Variants in BAIAP2L1 observed in about 807,000 individuals in gnomAD.
BAIAP2L1 encodes the protein BAR/IMD domain-containing adapter protein 2-like 1.
A neutral mutation model predicts 66.3 loss-of-function variants in BAIAP2L1; 35 were observed. The observed-to-expected ratio is 0.53, with a 90% confidence interval of 0.40 to 0.70. BAIAP2L1 has a LOEUF of 0.70. Among genes scored for constraint, BAIAP2L1 ranks in the 30% least tolerant of loss-of-function variants. The probability of loss-of-function intolerance (pLI) is 0.00; values close to 1 mark genes in which losing one functional copy is unlikely to be tolerated. For synonymous variants in BAIAP2L1, 269 were observed against 248.7 expected, an observed-to-expected ratio of 1.08 and a Z score of -0.77; for missense variants, 622 against 656.9, an observed-to-expected ratio of 0.95 and a Z score of 0.58.
chr7:98,294,184 G>C, intron 12 of BAIAP2L1, 73 bp from the exon 13 acceptor site: 2 of 1,516,968 alleles, frequency 1.3e-6, no homozygotes, highest in Non-Finnish European at 1.8e-6. Context: ...GTAGAGATGG[G>C]GATTTGCTAT....
chr7:98,325,221 C>G (rs765870647), intron 3 of BAIAP2L1, among the ~76,000 whole-genome samples: 4 of 151,244 alleles, frequency 2.6e-5, no homozygotes, highest in Admixed American at 2.0e-4. Context: ...TGTCTCTACT[C>G]AAAATACAAA....
rs549733432 is a variant in BAIAP2L1, at chr7:98,293,248, A to G, written c.*273T>C. The stretch of plus-strand genomic sequence containing the variant: ...AATTCATTTAAAAAATACAGTAAAG[A>G]TTGAAACCAAGTTTACTGTTTCTTG... On this transcript the variant is annotated 3_prime_UTR_variant, in exon 14 of 14. Transcript: ENST00000005260. The G allele has an allele frequency of 6.9e-5, 26 of 375,396 alleles. No homozygotes were observed. The highest frequency in any genetic ancestry group is 4.5e-4 in the African/African-American group (22 of 48,842). 23.3% of individuals were successfully genotyped at this position (375,396 alleles called of 1,614,324 possible). A position where few individuals can be genotyped will look rare whatever the true frequency, so the allele number is the denominator to read the frequency against.
At chr7:98,370,313 G>T (rs1017034610) in intron 1 of BAIAP2L1, among the ~76,000 whole-genome samples, 1 of 143,262 alleles carries the variant, frequency 7.0e-6, no homozygotes, top group Non-Finnish European at 1.5e-5. Flanking sequence ...ACGCGGGGTT[G>T]CAGTGAGCTG....
chr7:98,353,541 AT>A (rs1292221423), intron 3 of BAIAP2L1, among the ~76,000 whole-genome samples: 1 of 135,868 alleles, frequency 7.4e-6, no homozygotes, highest in African/African-American at 2.8e-5. Context: ...ATATACATAT[AT>A]TTATATTATA....
chr7:98,341,850 T>C (rs1433463377), intron 3 of BAIAP2L1, among the ~76,000 whole-genome samples: 2 of 152,124 alleles, frequency 1.3e-5, no homozygotes, highest in Non-Finnish European at 2.9e-5. Context: ...TGTGGAAGAA[T>C]TTTAATCTCT....
chr7:98,373,065 C>G (rs915193938), intron 1 of BAIAP2L1, among the ~76,000 whole-genome samples: 3 of 152,168 alleles, frequency 2.0e-5, no homozygotes, highest in Admixed American at 6.6e-5. Flanking sequence ...TGTAGGAAAT[C>G]TTGCTTCCTT....
chr7:98,320,008 G>A (rs1441961758), intron 5 of BAIAP2L1, 50 bp downstream of exon 5: 1 of 1,473,062 alleles, frequency 6.8e-7, no homozygotes, highest in East Asian at 2.3e-5. Flanking sequence ...TCCCCAGGCT[G>A]GGAGGTCAGG....
intron 3 of BAIAP2L1, among the ~76,000 whole-genome samples, chr7:98,340,735 ATACT>A (rs1801722873): frequency 6.6e-6 from 1 of 150,978 alleles, no homozygotes; most frequent in African/African-American, 2.4e-5. Flanking sequence ...GAATGTACAC[ATACT>A]TACACCAATG....
Position 98,310,432 on chromosome 7 carries a change from C to G in BAIAP2L1, c.955+13G>C. 1 of 1,575,554 alleles carries G rather than the reference C, an allele frequency of 6.3e-7. No homozygotes were observed. The highest frequency in any genetic ancestry group is 8.6e-7 in the Non-Finnish European group (1 of 1,167,336). On this transcript the variant is annotated intron_variant, in intron 9 of 13. Transcript: ENST00000005260. Reference sequence around the variant, plus strand: ...AAAAGGTATCTTCAAATAAATCAGACTGAATCTCTTACCTGTTGAATTATT... The same window carrying G: ...AAAAGGTATCTTCAAATAAATCAGAGTGAATCTCTTACCTGTTGAATTATT...
chr7:98,299,998 G>A (rs1230419308), intron 12 of BAIAP2L1, among the ~76,000 whole-genome samples: 2 of 152,130 alleles, frequency 1.3e-5, no homozygotes, highest in Non-Finnish European at 2.9e-5. Context: ...CCAAGATCAT[G>A]CCACTGCACT....
At chr7:98,371,017 G>A (rs1291409884) in intron 1 of BAIAP2L1, among the ~76,000 whole-genome samples, 1 of 152,106 alleles carries the variant, frequency 6.6e-6, no homozygotes, top group Non-Finnish European at 1.5e-5. Context: ...GGCAAAGGTC[G>A]GTGCTACTGC....
chr7:98,382,591 T>C (rs1293829938), intron 1 of BAIAP2L1, among the ~76,000 whole-genome samples: 1 of 152,236 alleles, frequency 6.6e-6, no homozygotes, highest in Non-Finnish European at 1.5e-5. Context: ...CTTTCCTTTG[T>C]AGTTTAAGTG....
intron 3 of BAIAP2L1, among the ~76,000 whole-genome samples, chr7:98,340,369 G>A (rs937424876): frequency 2.6e-5 from 4 of 152,106 alleles, no homozygotes; most frequent in African/African-American, 9.7e-5. Context: ...CTCACTGCAA[G>A]CTCTGCCTCC....
intron 1 of BAIAP2L1, chr7:98,400,213 TG>T: frequency 8.5e-6 from 1 of 117,126 alleles, no homozygotes; most frequent in Non-Finnish European, 1.7e-5. Context: ...GGTCAGGGGA[TG>T]GGGGGTGGTC....
chr7:98,390,146 A>C (rs1429007234), intron 1 of BAIAP2L1, among the ~76,000 whole-genome samples: 1 of 151,320 alleles, frequency 6.6e-6, no homozygotes, highest in East Asian at 2.0e-4. Flanking sequence ...CTATCTCCTG[A>C]CCTCGTGATC....
chr7:98,395,099 A>AGACTCC, intron 1 of BAIAP2L1, among the ~76,000 whole-genome samples: 1 of 152,220 alleles, frequency 6.6e-6, no homozygotes. Flanking sequence ...TGACAGAGCA[A>AGACTCC]GACTCCGTCT....
chr7:98,372,084 G>A (rs1464319681), intron 1 of BAIAP2L1, among the ~76,000 whole-genome samples: 7 of 151,814 alleles, frequency 4.6e-5, no homozygotes, highest in Admixed American at 3.9e-4. Context: ...GTGAGCCATC[G>A]CGCCCGGCCC....
At chr7:98,352,834 T>C (rs1802028799) in intron 3 of BAIAP2L1, among the ~76,000 whole-genome samples, 1 of 152,034 alleles carries the variant, frequency 6.6e-6, no homozygotes, top group Non-Finnish European at 1.5e-5. Flanking sequence ...GGAGCAGAAG[T>C]CTTATTTAAA....
intron 3 of BAIAP2L1, among the ~76,000 whole-genome samples, chr7:98,346,137 T>C (rs974276987): frequency 6.6e-6 from 1 of 152,166 alleles, no homozygotes; most frequent in Non-Finnish European, 1.5e-5. Context: ...TATCTCAAGC[T>C]GCTATAAAAA....
Sources: allele counts gnomAD v4.1 joint callset (sites outside exome capture counted in the v4.1 genomes callset), GRCh38; gene constraint gnomAD v4.1.1; transcripts MANE v1.5; gene names NCBI Gene and HGNC (gene_info 2026-07-23, HGNC 2026-07-21).